The following CDH19 variants were observed in gnomAD, a reference collection of about 807,000 sequenced individuals.
CDH19 encodes cadherin 19, also known as cadherin-19.
Under a neutral mutation model 64.2 loss-of-function variants are expected in CDH19, and 67 were observed. The observed-to-expected ratio is 1.04, with a 90% confidence interval of 0.86 to 1.28. The LOEUF (loss-of-function observed/expected upper bound fraction) is 1.28, where lower values mean the gene tolerates loss of function less well. Ranked by LOEUF, CDH19 falls within the 50% of genes most tolerant of loss-of-function variation. The pLI, the probability that CDH19 is intolerant of heterozygous loss-of-function variation, is 0.00. For missense variants in CDH19, 1,030 were observed against 929.0 expected (o/e 1.11, Z -1.41); for synonymous variants, 346 against 319.3 (o/e 1.08, Z -0.89).
At chr18:66,524,151 T>C (rs1249245494) in intron 9 of CDH19, among the ~76,000 whole-genome samples, 5 of 152,174 alleles carry the variant, frequency 3.3e-5, no homozygotes, top group Admixed American at 1.3e-4. Flanking sequence ...TTATAATTCC[T>C]TTTGTGATGT....
chr18:66,578,327 G>T, intron 1 of CDH19, among the ~76,000 whole-genome samples: 1 of 151,952 alleles, frequency 6.6e-6, no homozygotes, highest in Admixed American at 6.6e-5. Flanking sequence ...AATATTTAAA[G>T]AGACATATCA....
chr18:66,540,140 A>G (rs1986832398), intron 7 of CDH19, among the ~76,000 whole-genome samples: 1 of 152,046 alleles, frequency 6.6e-6, no homozygotes, highest in Admixed American at 6.5e-5. Context: ...CTTTAGCAAT[A>G]TTTTGAAAGA....
At chr18:66,544,927 T>C (rs765352281) in intron 5 of CDH19, 24 bp from the exon 6 acceptor site, 1 of 1,524,970 alleles carries the variant, frequency 6.6e-7, no homozygotes, top group African/African-American at 1.4e-5. Context: ...ATTGGAGGTA[T>C]TTTGGATAAA....
At chr18:66,535,661 T>C (rs1036525158) in intron 7 of CDH19, among the ~76,000 whole-genome samples, 12 of 147,078 alleles carry the variant, frequency 8.2e-5, no homozygotes, top group Non-Finnish European at 3.0e-5. Flanking sequence ...TTATATATGA[T>C]ATATATTTTA....
chr18:66,531,408 G>A (rs1986439816), intron 8 of CDH19, among the ~76,000 whole-genome samples: 1 of 152,120 alleles, frequency 6.6e-6, no homozygotes, highest in African/African-American at 2.4e-5. Flanking sequence ...CTTGAACTCA[G>A]GAGTTTGAGA....
chr18:66,571,969 T>G (rs1599026027), intron 2 of CDH19, 41 bp downstream of exon 2: 1 of 1,392,808 alleles, frequency 7.2e-7, no homozygotes, highest in Non-Finnish European at 1.0e-6. Flanking sequence ...TTTATTTACA[T>G]TGTTGTGCTA....
In CDH19 at chr18:66,575,936, T is replaced by C. The variant is rs936350847; in HGVS notation, c.-112-3620A>G. 8.6e-5 allele frequency among the ~76,000 whole-genome samples: 13 copies of C among 151,936 alleles called. No individual in the cohort carries two copies. The South Asian group carries it at 1.7e-3, about 19-fold the overall frequency. On this transcript the variant is annotated intron_variant, in intron 1 of 11. Coordinates refer to ENST00000262150, the MANE Select transcript of CDH19 (RefSeq NM_021153.4). ...AAATTAACAGCATAAAGATTAGGAA[T>C]ATGCTATTTTAAGCTCCATAAACCA... is the stretch of plus-strand genomic sequence containing the variant.
intron 3 of CDH19, among the ~76,000 whole-genome samples, chr18:66,563,872 T>C (rs545293344): frequency 2.0e-5 from 3 of 152,068 alleles, no homozygotes; most frequent in African/African-American, 7.2e-5. Flanking sequence ...TTGTGCTGCA[T>C]TTTTGACACC....
At chr18:66,575,596 T>C (rs1253607257) in intron 1 of CDH19, among the ~76,000 whole-genome samples, 1 of 151,792 alleles carries the variant, frequency 6.6e-6, no homozygotes, top group Non-Finnish European at 1.5e-5. Context: ...AAATCACAGT[T>C]GTTACACCAA....
intron 11 of CDH19, among the ~76,000 whole-genome samples, chr18:66,508,005 C>T (rs886738974): frequency 1.3e-5 from 2 of 151,838 alleles, no homozygotes; most frequent in Non-Finnish European, 2.9e-5. Context: ...AAGTTTCCAT[C>T]AGTGAATTAA....
chr18:66,569,736 G>A (rs1382154778), intron 2 of CDH19, among the ~76,000 whole-genome samples: 1 of 151,582 alleles, frequency 6.6e-6, no homozygotes, highest in Non-Finnish European at 1.5e-5. Context: ...AGAATGTCAT[G>A]GTTCCCTAAT....
At position 66,509,025 on chromosome 18, in the gene CDH19, C is replaced by A. The variant is rs933971650; in HGVS notation, c.1798G>T (p.Ala600Ser). ...SMGFKTEVIIAILICIMIIFG... is the reference protein window; with the variant it reads ...SMGFKTEVIISILICIMIIFG... ...ATGATCATAATGCAAATGAGAATAGCAATGATGACTTCTGTCTTGAATCCC... is the reference window on the plus strand; with the variant it reads ...ATGATCATAATGCAAATGAGAATAGAAATGATGACTTCTGTCTTGAATCCC... Residue 600 changes from alanine to serine, a missense_variant, in exon 11 of 12, where the codon GCT becomes TCT. Physicochemically the swap from Ala to Ser is moderately conservative, Grantham distance 99 (BLOSUM62 1). Coordinates refer to ENST00000262150, the MANE Select transcript of CDH19 (RefSeq NM_021153.4). 5 of 1,611,814 alleles carry A rather than the reference C, an allele frequency of 3.1e-6. No individual in the cohort carries two copies. The highest frequency in any genetic ancestry group is 4.2e-6 in the Non-Finnish European group (5 of 1,178,572).
intron 7 of CDH19, among the ~76,000 whole-genome samples, chr18:66,535,734 T>A (rs1212272652): frequency 1.4e-5 from 2 of 147,124 alleles, no homozygotes; most frequent in Non-Finnish European, 3.0e-5. Context: ...TTAATACATA[T>A]ATGCTTTATT....
rs145028229 is a variant in CDH19, at chr18:66,505,227, C to T, written c.1904G>A (p.Arg635Lys). ...ATCATCATATTGGAATATATTCTCT[C>T]TGAAATCTTCACTTTTCTCAGGAAA... is the stretch of plus-strand genomic sequence containing the variant. ...ILFPEKSEDF[R>K]ENIFQYDDEG... Residue 635 changes from arginine (R) to lysine (K), a missense_variant, in exon 12 of 12, where the codon AGA becomes AAA. Physicochemically the swap from Arg to Lys is conservative, Grantham distance 26. Coordinates refer to ENST00000262150, the MANE Select transcript of CDH19 (RefSeq NM_021153.4). The T allele has an allele frequency of 6.2e-7, 1 of 1,604,376 alleles. No individual in the cohort carries two copies.
intron 9 of CDH19, among the ~76,000 whole-genome samples, chr18:66,522,961 A>G (rs1473952126): frequency 1.3e-5 from 2 of 151,906 alleles, no homozygotes. Context: ...CTAAAACATT[A>G]ATTTATAAAT....
At chr18:66,584,595 G>A (rs117680442) in intron 1 of CDH19, among the ~76,000 whole-genome samples, 3,487 of 152,002 alleles carry the variant, frequency 0.023, 53 homozygotes, top group Non-Finnish European at 0.034. Flanking sequence ...TACCATAAAG[G>A]TACACGAATG....
chr18:66,535,432 G>A (rs931599153), intron 7 of CDH19, among the ~76,000 whole-genome samples: 1 of 151,220 alleles, frequency 6.6e-6, no homozygotes, highest in Non-Finnish European at 1.5e-5. Context: ...TGTCACAGGT[G>A]TTGCTTGCGA....
chr18:66,550,622 A>G (rs1987304746), intron 5 of CDH19, among the ~76,000 whole-genome samples: 1 of 152,090 alleles, frequency 6.6e-6, no homozygotes, highest in African/African-American at 2.4e-5. Context: ...TGTGTGAAGT[A>G]TGTGACACTC....
At chr18:66,541,668 T>C (rs1381181101) in intron 7 of CDH19, among the ~76,000 whole-genome samples, 1 of 152,130 alleles carries the variant, frequency 6.6e-6, no homozygotes, top group Non-Finnish European at 1.5e-5. Flanking sequence ...AACATATGTA[T>C]GAAAAGCAAT....
Sources: allele counts gnomAD v4.1 joint callset (sites outside exome capture counted in the v4.1 genomes callset), GRCh38; gene constraint gnomAD v4.1.1; transcripts MANE v1.5; gene names NCBI Gene and HGNC (gene_info 2026-07-23, HGNC 2026-07-21).